Variants in EFR3B observed in about 807,000 individuals in gnomAD.
The protein encoded by EFR3B is EFR3 homolog B, also known as protein EFR3 homolog B.
A neutral mutation model predicts 104.7 loss-of-function variants in EFR3B; 64 were observed. The ratio of observed to expected loss-of-function variants is 0.61; its 90% confidence interval spans 0.50 to 0.75. The LOEUF (loss-of-function observed/expected upper bound fraction) is 0.75, where lower values mean the gene tolerates loss of function less well. Ranked by LOEUF, EFR3B falls within the 30% of genes least tolerant of loss-of-function variation. EFR3B has a pLI of 0.00. For missense variants in EFR3B, 750 were observed against 1,078.5 expected (o/e 0.70, Z 4.27); for synonymous variants, 385 against 417.9 (o/e 0.92, Z 0.96).
At chr2:25,152,139 C>T in intron 21 of EFR3B, 119 bp downstream of exon 21, 1 of 958,078 alleles carries the variant, frequency 1.0e-6, no homozygotes, top group Non-Finnish European at 1.6e-6. Flanking sequence ...TCCCCCACCC[C>T]CACCCTGCCA....
At chr2:25,122,493 AGT>A (rs1422817567) in intron 5 of EFR3B, among the ~76,000 whole-genome samples, 1 of 152,050 alleles carries the variant, frequency 6.6e-6, no homozygotes, top group Non-Finnish European at 1.5e-5. Context: ...AAAGAGCCAA[AGT>A]TCACACTTTG....
At chr2:25,151,137 T>C (rs1161067159) in intron 20 of EFR3B, among the ~76,000 whole-genome samples, 1 of 152,152 alleles carries the variant, frequency 6.6e-6, no homozygotes, top group African/African-American at 2.4e-5. Context: ...TAACTCATCT[T>C]GGATACCAAG....
At chr2:25,134,535 C>T (rs1373299623) in intron 12 of EFR3B, among the ~76,000 whole-genome samples, 1 of 152,118 alleles carries the variant, frequency 6.6e-6, no homozygotes, top group African/African-American at 2.4e-5. Flanking sequence ...GGTCCCCAGT[C>T]CCCTCTCCCT....
At chr2:25,091,460 G>T in intron 2 of EFR3B, 59 bp downstream of exon 2, 1 of 1,463,814 alleles carries the variant, frequency 6.8e-7, no homozygotes, top group Non-Finnish European at 9.1e-7. Context: ...GCCTCTGACG[G>T]GGGCAGCTTG....
rs1297963811 is a variant in EFR3B at position 25,131,927 on chromosome 2, G to A, written c.1147+16G>A. 9.5e-6 allele frequency: 14 copies of A among 1,480,828 alleles called. No individual in the cohort carries two copies. Among genetic ancestry groups the A allele is most frequent in the East Asian group, 5.3e-5 (2 of 37,960 alleles). 91.7% of individuals were successfully genotyped at this position (1,480,828 alleles called of 1,614,324 possible). A position where few individuals can be genotyped will look rare whatever the true frequency, so the allele number is the denominator to read the frequency against. On this transcript the variant is annotated intron_variant, in intron 10 of 22. Coordinates refer to ENST00000403714, the MANE Select transcript of EFR3B (RefSeq NM_014971.2). The surrounding 1 kb of genome is among the most constrained non-coding windows in gnomAD (Gnocchi z 7.6). ...AAGACCGTGGGTGCGGCGCGGGGCCGGGCCGGGGCGGGGCGGGGCCGAGGC... is the reference window on the plus strand; with the variant it reads ...AAGACCGTGGGTGCGGCGCGGGGCCAGGCCGGGGCGGGGCGGGGCCGAGGC...
At chr2:25,064,653 C>T (rs1332503361) in intron 1 of EFR3B, among the ~76,000 whole-genome samples, 2 of 152,098 alleles carry the variant, frequency 1.3e-5, no homozygotes, top group Admixed American at 6.5e-5. Flanking sequence ...TTAAAAAAAT[C>T]GAATGCCTCG....
chr2:25,074,352 G>A (rs1379241113), intron 1 of EFR3B, among the ~76,000 whole-genome samples: 2 of 152,090 alleles, frequency 1.3e-5, no homozygotes, highest in Admixed American at 6.5e-5. Flanking sequence ...GATCACTTGA[G>A]GTCAGGAGTT....
At chr2:25,094,894 G>A (rs1208703841) in intron 3 of EFR3B, among the ~76,000 whole-genome samples, 4 of 151,916 alleles carry the variant, frequency 2.6e-5, no homozygotes, top group East Asian at 1.9e-4. Flanking sequence ...GGCTCAAGAC[G>A]TCCTCCCACC....
rs192563800 is a variant in EFR3B at position 25,104,134 on chromosome 2, G to C, written c.363+347G>C. ...AGACCAAGGCAGGTGGATCACTTGA[G>C]GTAAGGAGTTTGAGACCAGCCTGGC... On this transcript the variant is annotated intron_variant, in intron 4 of 22. Transcript: ENST00000403714. Among the ~76,000 whole-genome samples the C allele has an allele frequency of 1.9e-3, 296 of 152,166 alleles. 3 individuals are homozygous for C. The highest frequency in any genetic ancestry group is 6.9e-3 in the African/African-American group (286 of 41,516).
chr2:25,049,625 G>A (rs1033632204), intron 1 of EFR3B, among the ~76,000 whole-genome samples: 3 of 152,196 alleles, frequency 2.0e-5, no homozygotes, highest in African/African-American at 7.2e-5. Flanking sequence ...GTGCGAGGTG[G>A]AGTCATCTGG....
At chr2:25,088,354 G>A (rs763354550) in intron 1 of EFR3B, among the ~76,000 whole-genome samples, 18 of 152,156 alleles carry the variant, frequency 1.2e-4, no homozygotes, top group Non-Finnish European at 1.9e-4. Flanking sequence ...GAGCTGCCTT[G>A]GGGAAGTGGC....
intron 17 of EFR3B, among the ~76,000 whole-genome samples, chr2:25,142,628 G>A (rs1295915857): frequency 2.3e-4 from 34 of 149,450 alleles, no homozygotes; most frequent in Non-Finnish European, 3.7e-4. Context: ...GTGTGGTGGC[G>A]TGCGCCTGTA....
chr2:25,122,302 C>A (rs920270664), intron 5 of EFR3B, among the ~76,000 whole-genome samples: 9 of 152,068 alleles, frequency 5.9e-5, no homozygotes, highest in African/African-American at 2.2e-4. Flanking sequence ...ACTGCTTGGG[C>A]CAGACAAAGG....
rs983321789 is a variant in EFR3B, at chr2:25,154,160, CTGTT to C, written c.2349-72_2349-69del. ...CAAAAAGAAACCCAAGTCACCTACT[CTGTT>C]TGGTTGCACAAGGGTGGGATCCTAA... On this transcript the variant is annotated intron_variant, in intron 22 of 22. Transcript: ENST00000403714. The surrounding 1 kb of genome is among the most constrained non-coding windows in gnomAD (Gnocchi z 4.1). 1.9e-5 allele frequency: 26 copies of C among 1,366,144 alleles called. No individual in the cohort carries two copies. The highest frequency in any genetic ancestry group is 1.3e-4 in the African/African-American group (9 of 69,036). The allele number at this position is 1,366,144 out of a possible 1,614,324, so 84.6% of individuals were successfully genotyped here.
chr2:25,131,676 C>T lies in EFR3B; in HGVS notation c.986-74C>T. The stretch of plus-strand genomic sequence containing the variant: ...AGGCTGGAAGGGGGCGTGACCCTGC[C>T]CTGCCTGCGCGCGGTGCACAGAGGA... On this transcript the variant is annotated intron_variant, in intron 9 of 22. Coordinates refer to ENST00000403714, the MANE Select transcript of EFR3B (RefSeq NM_014971.2). This position sits in a 1 kb window ranked among gnomAD's most constrained non-coding sequence, Gnocchi z 7.6. 6.8e-7 allele frequency: 1 copy of T among 1,479,592 alleles called. No individual in the cohort carries two copies. Among genetic ancestry groups the T allele is most frequent in the South Asian group, 1.4e-5 (1 of 72,728 alleles). The allele number at this position is 1,479,592 out of a possible 1,614,324, so 91.7% of individuals were successfully genotyped here. A position where few individuals can be genotyped will look rare whatever the true frequency, so the allele number is the denominator to read the frequency against.
intron 20 of EFR3B, among the ~76,000 whole-genome samples, chr2:25,151,119 C>T (rs1036393669): frequency 2.6e-5 from 4 of 151,174 alleles, no homozygotes; most frequent in Non-Finnish European, 5.9e-5. Context: ...CCTTTTTCTT[C>T]TTGGTGCTAA....
At chr2:25,069,870 T>C (rs936954887) in intron 1 of EFR3B, among the ~76,000 whole-genome samples, 3 of 152,138 alleles carry the variant, frequency 2.0e-5, no homozygotes, top group Non-Finnish European at 4.4e-5. Flanking sequence ...CTAATTTTTT[T>C]GTATTTTCAG....
At chr2:25,149,651 C>A in intron 19 of EFR3B, 43 bp from the exon 20 acceptor site, 1 of 1,547,420 alleles carries the variant, frequency 6.5e-7, no homozygotes, top group Admixed American at 2.0e-5. Context: ...CCTCCTTTCT[C>A]TGCCCCCTGC....
At chr2:25,101,155 G>C (rs1669422068) in intron 3 of EFR3B, among the ~76,000 whole-genome samples, 1 of 152,180 alleles carries the variant, frequency 6.6e-6, no homozygotes, top group Non-Finnish European at 1.5e-5. Flanking sequence ...CATCAGTCTG[G>C]AGTGGGCCAG....
Sources: allele counts gnomAD v4.1 joint callset (sites outside exome capture counted in the v4.1 genomes callset), GRCh38; gene constraint gnomAD v4.1.1; non-coding constraint Gnocchi (gnomAD v3.1); transcripts MANE v1.5; gene names NCBI Gene and HGNC (gene_info 2026-07-23, HGNC 2026-07-21).